Variants in CIT observed in about 807,000 individuals in gnomAD.
CIT encodes the protein citron Rho-interacting kinase.
In CIT, 79 loss-of-function variants were observed where a neutral mutation model predicts 272.7. That is an observed-to-expected ratio of 0.29 (90% CI 0.24 to 0.35). CIT has a LOEUF of 0.35. CIT is among the 10% of genes least tolerant of loss of function. The pLI, the probability that CIT is intolerant of heterozygous loss-of-function variation, is 1.00. For synonymous variants in CIT, 948 were observed against 995.6 expected (o/e 0.95, Z 0.90); for missense variants, 1,909 against 2,618.3 (o/e 0.73, Z 5.91).
At position 119,697,500 on chromosome 12, in the gene CIT, CTG is replaced by C. The variant is rs377166638; in HGVS notation, c.5882+157_5882+158del. ...TAATTCTCCTGATGCTCATAATGGT[CTG>C]TGTTATTTCAGTGCCGCAGATCGCA... On this transcript the variant is annotated intron_variant, in intron 46 of 47. Transcript: ENST00000392521. The surrounding 1 kb of genome is among the most constrained non-coding windows in gnomAD (Gnocchi z 4.9). Among the ~76,000 whole-genome samples, 1 of 152,168 alleles carries C rather than the reference CTG, an allele frequency of 6.6e-6. No homozygotes were observed. Among genetic ancestry groups the C allele is most frequent in the African/African-American group, 2.4e-5 (1 of 41,430 alleles).
intron 2 of CIT, among the ~76,000 whole-genome samples, chr12:119,869,585 A>C (rs958067527): frequency 6.6e-6 from 1 of 152,174 alleles, no homozygotes; most frequent in African/African-American, 2.4e-5. Context: ...ATGTGTGCCC[A>C]GGGGTTTATT....
intron 10 of CIT, among the ~76,000 whole-genome samples, chr12:119,790,759 C>T (rs1164491683): frequency 6.6e-6 from 1 of 152,126 alleles, no homozygotes; most frequent in Non-Finnish European, 1.5e-5. Context: ...GCCAAAGATG[C>T]TGCTCAACAT....
At chr12:119,752,812 T>C (rs2137423705) in intron 22 of CIT, among the ~76,000 whole-genome samples, 1 of 152,326 alleles carries the variant, frequency 6.6e-6, no homozygotes, top group South Asian at 2.1e-4. Context: ...AACAAAAATT[T>C]ACTCAGCAAT....
At chr12:119,723,586 G>A (rs1409951494) in intron 28 of CIT, among the ~76,000 whole-genome samples, 3 of 152,038 alleles carry the variant, frequency 2.0e-5, no homozygotes, top group Admixed American at 2.0e-4. Flanking sequence ...TAAGGAAAAA[G>A]ACAGGAAACT....
At chr12:119,711,626 G>T (rs1957162868) in intron 37 of CIT, among the ~76,000 whole-genome samples, 1 of 152,148 alleles carries the variant, frequency 6.6e-6, no homozygotes. Context: ...AATGCCACCA[G>T]AGTAGGCTAC....
chr12:119,831,899 T>C (rs1291297376), intron 7 of CIT, among the ~76,000 whole-genome samples: 2 of 152,100 alleles, frequency 1.3e-5, no homozygotes, highest in Non-Finnish European at 2.9e-5. Flanking sequence ...AAAGAAAATT[T>C]TACATATTGT....
At chr12:119,773,533 A>T (rs1963413851) in intron 16 of CIT, among the ~76,000 whole-genome samples, 1 of 152,122 alleles carries the variant, frequency 6.6e-6, no homozygotes, top group Admixed American at 6.5e-5. Flanking sequence ...CCGGAGGTTC[A>T]AGTGATTCTC....
At chr12:119,700,937 G>C (rs1249370748) in intron 43 of CIT, 112 bp from the exon 44 acceptor site, 8 of 754,464 alleles carry the variant, frequency 1.1e-5, no homozygotes, top group Non-Finnish European at 1.8e-5. Flanking sequence ...CTGGCCAGAT[G>C]GGACTGACTG....
At chr12:119,820,278 C>T (rs1424770730) in intron 9 of CIT, among the ~76,000 whole-genome samples, 2 of 152,146 alleles carry the variant, frequency 1.3e-5, no homozygotes, top group Admixed American at 6.5e-5. Context: ...GGGCTGGGTG[C>T]GGTGGCTCAT....
chr12:119,835,412 C>G (rs1482180728), intron 5 of CIT, among the ~76,000 whole-genome samples: 5 of 152,158 alleles, frequency 3.3e-5, no homozygotes, highest in African/African-American at 4.8e-5. Flanking sequence ...TCTTCCCCCC[C>G]ACTTTACTGC....
At chr12:119,810,662 C>T (rs1231442815) in intron 9 of CIT, among the ~76,000 whole-genome samples, 1 of 146,104 alleles carries the variant, frequency 6.8e-6, no homozygotes. Context: ...GAGATGGTGG[C>T]ACTGCCTCCA....
chr12:119,842,834 T>C (rs1047456952), intron 5 of CIT, among the ~76,000 whole-genome samples: 3 of 152,208 alleles, frequency 2.0e-5, no homozygotes, highest in African/African-American at 7.2e-5. Context: ...AGTTCCGTAA[T>C]ACAATAAGTA....
At chr12:119,867,292 G>A (rs926139865) in intron 3 of CIT, among the ~76,000 whole-genome samples, 1 of 151,864 alleles carries the variant, frequency 6.6e-6, no homozygotes, top group Non-Finnish European at 1.5e-5. Flanking sequence ...AGGTTCAAGC[G>A]ATTCTCCTGC....
intron 32 of CIT, among the ~76,000 whole-genome samples, chr12:119,716,132 C>T (rs2137096637): frequency 6.6e-6 from 1 of 152,180 alleles, no homozygotes; most frequent in Non-Finnish European, 1.5e-5. Flanking sequence ...AATGCCAGCA[C>T]TCTGGGAGGC....
chr12:119,759,260 T>C (rs1961430964), intron 20 of CIT, among the ~76,000 whole-genome samples: 1 of 152,234 alleles, frequency 6.6e-6, no homozygotes, highest in Non-Finnish European at 1.5e-5. Context: ...CTCTACCTCC[T>C]GTGGGATCAG....
chr12:119,697,855 T>C lies in CIT; in HGVS notation c.5703-17A>G. On this transcript the variant is annotated splice_polypyrimidine_tract_variant and intron_variant, in intron 45 of 47. Coordinates refer to ENST00000392521, the MANE Select transcript of CIT (RefSeq NM_001206999.2). This position sits in a 1 kb window ranked among gnomAD's most constrained non-coding sequence, Gnocchi z 4.9. ...GCAGGGGTCCTGCAGAGTCCCAGAG[T>C]TCCAGTTACCTTCATTGCAGGCTAC... 6.2e-7 allele frequency: 1 copy of C among 1,613,558 alleles called. No homozygotes were observed. Among genetic ancestry groups the C allele is most frequent in the Middle Eastern group, 1.7e-4 (1 of 6,060 alleles).
chr12:119,802,508 C>A (rs2137871099), intron 10 of CIT, among the ~76,000 whole-genome samples: 1 of 152,252 alleles, frequency 6.6e-6, no homozygotes, highest in South Asian at 2.1e-4. Context: ...TTCTAGTCTC[C>A]TGGTTTTTTT....
intron 23 of CIT, among the ~76,000 whole-genome samples, chr12:119,749,094 G>C (rs978614807): frequency 6.6e-6 from 1 of 152,180 alleles, no homozygotes; most frequent in African/African-American, 2.4e-5. Flanking sequence ...GGCAACAAAG[G>C]CCTCCCAGCT....
At chr12:119,870,549 CA>C (rs57894300) in intron 2 of CIT, among the ~76,000 whole-genome samples, 1,430 of 52,416 alleles carry the variant, frequency 0.027, 12 homozygotes, top group African/African-American at 0.09. Context: ...GACTCCCTCT[CA>C]AAAAAAAAAA....
Sources: allele counts gnomAD v4.1 joint callset (sites outside exome capture counted in the v4.1 genomes callset), GRCh38; gene constraint gnomAD v4.1.1; non-coding constraint Gnocchi (gnomAD v3.1); transcripts MANE v1.5; gene names NCBI Gene and HGNC (gene_info 2026-07-23, HGNC 2026-07-21).